The following IGSF5 variants were observed in gnomAD, a reference collection of about 807,000 sequenced individuals.
IGSF5 encodes immunoglobulin superfamily member 5, also known as immunoglobulin superfamily 5 like.
A neutral mutation model predicts 39.4 loss-of-function variants in IGSF5; 41 were observed. The observed-to-expected ratio is 1.04, with a 90% CI of 0.81 to 1.35. The LOEUF is 1.35. Among genes scored for constraint, IGSF5 ranks in the 40% most tolerant of loss-of-function variants. The pLI is 0.00. For missense variants in IGSF5, 487 were observed against 494.6 expected, an observed-to-expected ratio of 0.98 and a Z score of 0.15; for synonymous variants, 183 against 175.3, an observed-to-expected ratio of 1.04 and a Z score of -0.34.
chr21:39,751,056 A>C (rs897574235), intron 2 of IGSF5: 1 of 153,090 alleles, frequency 6.5e-6, no homozygotes, highest in East Asian at 1.9e-4. Context: ...TGCTGTTTGG[A>C]GCTTGGTGAT....
intron 4 of IGSF5, 95 bp from the exon 5 acceptor site, chr21:39,778,995 A>C (rs182182980): frequency 1.4e-6 from 2 of 1,441,834 alleles, no homozygotes; most frequent in Admixed American, 4.1e-5. Flanking sequence ...AATAGTTATA[A>C]TATTACTAGA....
Position 39,801,473 on chromosome 21 carries a change from G to A in IGSF5, c.*116G>A. 1.5e-6 allele frequency: 1 copy of A among 688,388 alleles called. No homozygotes were observed. The highest frequency in any genetic ancestry group is 2.7e-5 in the East Asian group (1 of 36,896). 42.6% of individuals were successfully genotyped at this position (688,388 alleles called of 1,614,324 possible). On this transcript the variant is annotated 3_prime_UTR_variant, in exon 9 of 9. Coordinates refer to ENST00000380588, the MANE Select transcript of IGSF5 (RefSeq NM_001080444.2). ...AGCTTTGCCAACATTACCTGAAGAG[G>A]AGATGTCGGAGTCATCAGAACTGAT...
At chr21:39,749,062 T>C (rs1419366927) in intron 2 of IGSF5, among the ~76,000 whole-genome samples, 3 of 152,196 alleles carry the variant, frequency 2.0e-5, no homozygotes, top group African/African-American at 7.2e-5. Context: ...TTATGCCTTA[T>C]GCATATGGGA....
chr21:39,748,790 G>A (rs1339160809), intron 2 of IGSF5, among the ~76,000 whole-genome samples: 1 of 143,514 alleles, frequency 7.0e-6, no homozygotes, highest in Non-Finnish European at 1.5e-5. Flanking sequence ...TTATTTTAAT[G>A]GAGTGGTTGT....
At chr21:39,731,623 GGGCC>G in the IGSF5 span, among the ~76,000 whole-genome samples, 1 of 152,136 alleles carries the variant, frequency 6.6e-6, no homozygotes, top group African/African-American at 2.4e-5. Context: ...GAAAATGGAG[GGGCC>G]ACATGCCAAC....
At chr21:39,796,329 G>A (rs900254240) in intron 8 of IGSF5, among the ~76,000 whole-genome samples, 3 of 152,170 alleles carry the variant, frequency 2.0e-5, no homozygotes, top group African/African-American at 4.8e-5. Context: ...ACCAGGCCCC[G>A]TAGCCCTGCA....
At chr21:39,781,104 C>A (rs1041019419) in intron 5 of IGSF5, among the ~76,000 whole-genome samples, 1 of 152,254 alleles carries the variant, frequency 6.6e-6, no homozygotes, top group Non-Finnish European at 1.5e-5. Flanking sequence ...AACTAAAGGT[C>A]TAGTCTTAGT....
chr21:39,738,697 C>A, the IGSF5 span, among the ~76,000 whole-genome samples: 1 of 151,002 alleles, frequency 6.6e-6, no homozygotes, highest in East Asian at 1.9e-4. The surrounding 1 kb of genome is among the most constrained non-coding windows in gnomAD (Gnocchi z 6.4). Flanking sequence ...GGACACTGGG[C>A]GAGTAGACAC....
chr21:39,744,455 A>G (rs989105829), upstream of IGSF5, among the ~76,000 whole-genome samples: 8 of 152,230 alleles, frequency 5.3e-5, no homozygotes, highest in African/African-American at 1.9e-4. Flanking sequence ...GAGGAGACCA[A>G]TTATTAGGCA....
intron 7 of IGSF5, among the ~76,000 whole-genome samples, chr21:39,792,613 G>A (rs149121205): frequency 2.4e-4 from 37 of 152,204 alleles, no homozygotes; most frequent in African/African-American, 8.4e-4. Flanking sequence ...TTAATACATT[G>A]GGGGTAACTT....
the IGSF5 span, among the ~76,000 whole-genome samples, chr21:39,727,058 G>A: frequency 6.6e-6 from 1 of 152,022 alleles, no homozygotes; most frequent in African/African-American, 2.4e-5. Context: ...TGAACCTGCA[G>A]CCTACCTATG....
chr21:39,742,174 G>A (rs1822280955), upstream of IGSF5, among the ~76,000 whole-genome samples: 1 of 151,772 alleles, frequency 6.6e-6, no homozygotes, highest in South Asian at 2.1e-4. Flanking sequence ...CGACAAATGG[G>A]TGTTCCTTCT....
At chr21:39,740,446 G>C (rs1381797780), upstream of IGSF5, among the ~76,000 whole-genome samples, 1 of 152,188 alleles carries the variant, frequency 6.6e-6, no homozygotes, top group African/African-American at 2.4e-5. Flanking sequence ...CATGGGCATG[G>C]AGGACTAGGT....
chr21:39,785,537 T>C (rs1240593036), intron 5 of IGSF5, among the ~76,000 whole-genome samples: 7 of 152,120 alleles, frequency 4.6e-5, no homozygotes, highest in Admixed American at 2.6e-4. Context: ...TTTGGCGATG[T>C]GGGCTCTTTT....
chr21:39,737,421 C>T, the IGSF5 span, among the ~76,000 whole-genome samples: 2 of 151,960 alleles, frequency 1.3e-5, no homozygotes, highest in Admixed American at 6.5e-5. Context: ...AGGGCGAGGG[C>T]TCTGTTACAC....
intron 2 of IGSF5, among the ~76,000 whole-genome samples, chr21:39,748,857 C>G (rs1357630103): frequency 2.0e-5 from 3 of 152,162 alleles, no homozygotes; most frequent in Non-Finnish European, 4.4e-5. Context: ...AGCCTCAGCA[C>G]TCACTGAATT....
intron 6 of IGSF5, 194 bp from the exon 7 acceptor site, chr21:39,791,814 A>G: frequency 1.9e-6 from 1 of 524,514 alleles, no homozygotes; most frequent in Admixed American, 3.3e-5. Flanking sequence ...CTCTCCCCAT[A>G]ATGGGAATGT....
chr21:39,752,200 T>C (rs1272169132), intron 2 of IGSF5, among the ~76,000 whole-genome samples: 1 of 152,150 alleles, frequency 6.6e-6, no homozygotes, highest in East Asian at 1.9e-4. Context: ...GTCCATTGTG[T>C]CATTCTTGTG....
intron 8 of IGSF5, among the ~76,000 whole-genome samples, chr21:39,794,566 C>T (rs463119): frequency 0.31 from 47,115 of 152,118 alleles, 8,350 homozygotes; most frequent in Non-Finnish European, 0.42. Flanking sequence ...TATCCCGAAT[C>T]ATAAATTAGG....
Sources: allele counts gnomAD v4.1 joint callset (sites outside exome capture counted in the v4.1 genomes callset), GRCh38; gene constraint gnomAD v4.1.1; non-coding constraint Gnocchi (gnomAD v3.1); transcripts MANE v1.5; gene names NCBI Gene and HGNC (gene_info 2026-07-23, HGNC 2026-07-21).